GRM7: variants seen among roughly 807,000 people sequenced by gnomAD.
The protein encoded by GRM7 is glutamate metabotropic receptor 7, also known as metabotropic glutamate receptor 7.
In GRM7, 35 loss-of-function variants were observed where a neutral mutation model predicts 84.5. That is an observed-to-expected ratio of 0.41 (90% CI 0.32 to 0.55). The LOEUF is 0.55. GRM7 is among the 20% of genes least tolerant of loss of function. The pLI is 0.19. For synonymous variants in GRM7, 487 were observed against 455.1 expected, an observed-to-expected ratio of 1.07 and a Z score of -0.89; for missense variants, 1,003 against 1,194.6, an observed-to-expected ratio of 0.84 and a Z score of 2.36.
At chr3:7,242,320 T>C (rs1228363307) in intron 2 of GRM7, among the ~76,000 whole-genome samples, 1 of 152,178 alleles carries the variant, frequency 6.6e-6, no homozygotes, top group East Asian at 1.9e-4. Context: ...GAGTGTAATG[T>C]AGCAAAATAA....
intron 7 of GRM7, among the ~76,000 whole-genome samples, chr3:7,500,637 G>T (rs1449518081): frequency 6.6e-6 from 1 of 152,232 alleles, no homozygotes; most frequent in East Asian, 1.9e-4. Flanking sequence ...CAACTATGAT[G>T]GATTGGATTG....
intron 4 of GRM7, among the ~76,000 whole-genome samples, chr3:7,311,219 T>G (rs1019680235): frequency 3.9e-5 from 6 of 152,120 alleles, no homozygotes; most frequent in African/African-American, 1.4e-4. Context: ...AGAAATCTAA[T>G]TGAGAATTGA....
intron 4 of GRM7, among the ~76,000 whole-genome samples, chr3:7,323,936 G>A (rs116688774): frequency 0.01 from 1,531 of 152,144 alleles, 23 homozygotes; most frequent in African/African-American, 0.035. Flanking sequence ...TTTTTATAAG[G>A]AGCAAGCTAG....
chr3:7,260,227 A>G (rs1333995843), intron 2 of GRM7, among the ~76,000 whole-genome samples: 2 of 151,832 alleles, frequency 1.3e-5, no homozygotes, highest in Admixed American at 1.3e-4. Context: ...ATTGTCTCCC[A>G]TTCTGTAGGT....
chr3:7,048,988 G>A (rs1321823429), intron 1 of GRM7, among the ~76,000 whole-genome samples: 1 of 151,850 alleles, frequency 6.6e-6, no homozygotes, highest in African/African-American at 2.4e-5. Flanking sequence ...ATTTCTAGAA[G>A]TTACATAAGT....
intron 1 of GRM7, among the ~76,000 whole-genome samples, chr3:7,122,464 T>G (rs1693258657): frequency 6.6e-6 from 1 of 152,192 alleles, no homozygotes; most frequent in African/African-American, 2.4e-5. Flanking sequence ...ATAAAATGAC[T>G]ACTAAAACAA....
intron 7 of GRM7, among the ~76,000 whole-genome samples, chr3:7,483,514 G>A (rs1317624445): frequency 6.6e-6 from 1 of 152,198 alleles, no homozygotes; most frequent in Non-Finnish European, 1.5e-5. Flanking sequence ...AGGTGAATAG[G>A]AGGTAGGAGG....
chr3:6,970,839 G>A (rs796092346), intron 1 of GRM7, among the ~76,000 whole-genome samples: 5 of 152,162 alleles, frequency 3.3e-5, no homozygotes, highest in African/African-American at 4.8e-5. Context: ...AAAATTAGCC[G>A]GGCGTGGTGG....
intron 8 of GRM7, among the ~76,000 whole-genome samples, chr3:7,609,646 A>G (rs1347049469): frequency 6.6e-6 from 1 of 152,128 alleles, no homozygotes; most frequent in Non-Finnish European, 1.5e-5. Flanking sequence ...GAGTAAATGA[A>G]GGCCAGGGAA....
At chr3:7,630,749 G>T (rs1406893719) in intron 8 of GRM7, among the ~76,000 whole-genome samples, 1 of 152,308 alleles carries the variant, frequency 6.6e-6, no homozygotes, top group Non-Finnish European at 1.5e-5. Context: ...CACTTCCCTA[G>T]ATCATAGACA....
At chr3:7,060,344 C>T (rs1233270015) in intron 1 of GRM7, among the ~76,000 whole-genome samples, 1 of 151,796 alleles carries the variant, frequency 6.6e-6, no homozygotes. Flanking sequence ...CCACCACCTC[C>T]TTGCATTTGG....
chr3:7,619,728 T>A (rs1481595083), intron 8 of GRM7, among the ~76,000 whole-genome samples: 2 of 152,064 alleles, frequency 1.3e-5, no homozygotes. Context: ...GAAGGCTGAC[T>A]TAAAGAAACC....
intron 1 of GRM7, among the ~76,000 whole-genome samples, chr3:6,989,812 G>A (rs34882311): frequency 0.033 from 5,066 of 152,316 alleles, 138 homozygotes; most frequent in Non-Finnish European, 0.048. Flanking sequence ...TGTGTGAAAA[G>A]AGCTAGTGTT....
intron 1 of GRM7, among the ~76,000 whole-genome samples, chr3:7,029,328 C>CAAACAAAAAAAAAAA (rs1559394068): frequency 7.1e-6 from 1 of 140,054 alleles, no homozygotes; most frequent in African/African-American, 2.7e-5. Context: ...AAAAAAAAAA[C>CAAACAAAAAAAAAAA]AAACAAAAAA....
chr3:7,527,672 T>C (rs1700859790), intron 7 of GRM7, among the ~76,000 whole-genome samples: 1 of 152,054 alleles, frequency 6.6e-6, no homozygotes, highest in Non-Finnish European at 1.5e-5. Context: ...GGGTTTGTCA[T>C]AAATGACTCA....
intron 7 of GRM7, among the ~76,000 whole-genome samples, chr3:7,497,420 A>G (rs757861395): frequency 5.3e-5 from 8 of 152,122 alleles, no homozygotes; most frequent in Non-Finnish European, 7.3e-5. Flanking sequence ...TCCTTCCATG[A>G]TCAAAAGCAA....
chr3:7,408,761 G>A (rs1695790540), intron 4 of GRM7, among the ~76,000 whole-genome samples: 1 of 152,184 alleles, frequency 6.6e-6, no homozygotes, highest in African/African-American at 2.4e-5. Context: ...AGTCGAGGGT[G>A]CAGGACAGCT....
intron 2 of GRM7, among the ~76,000 whole-genome samples, chr3:7,262,925 T>TG (rs58021557): frequency 1 from 152,191 of 152,250 alleles, 76,067 homozygotes; most frequent in Middle Eastern, 1. Context: ...CTTGAACTCC[T>TG]GCCTACAGGT....
intron 1 of GRM7, among the ~76,000 whole-genome samples, chr3:7,126,160 G>A (rs1229565187): frequency 1.3e-5 from 2 of 152,166 alleles, no homozygotes; most frequent in Non-Finnish European, 2.9e-5. Context: ...TATTTGGGAA[G>A]GTTATTCAGG....
Sources: allele counts gnomAD v4.1 joint callset (sites outside exome capture counted in the v4.1 genomes callset), GRCh38; gene constraint gnomAD v4.1.1; transcripts MANE v1.5; gene names NCBI Gene and HGNC (gene_info 2026-07-23, HGNC 2026-07-21).